SLC35F3: variants seen among roughly 807,000 people sequenced by gnomAD.
SLC35F3 encodes solute carrier family 35 member F3.
SLC35F3 carries 25 observed loss-of-function variants against 49.9 expected under a neutral mutation model. That is an observed-to-expected ratio of 0.50 (90% confidence interval 0.37 to 0.70). SLC35F3 has a LOEUF of 0.70. Ranked by LOEUF, SLC35F3 falls within the 30% of genes least tolerant of loss-of-function variation. The probability of loss-of-function intolerance (pLI) is 0.00; values close to 1 mark genes in which losing one functional copy is unlikely to be tolerated. For synonymous variants in SLC35F3, 275 were observed against 265.4 expected (o/e 1.04, Z -0.35); for missense variants, 525 against 639.8 (o/e 0.82, Z 1.94).
chr1:234,214,241 T>C lies in SLC35F3; in HGVS notation c.284-17176T>C. 4.1e-6 allele frequency: 5 copies of C among 1,234,274 alleles called. No individual in the cohort carries two copies. Among genetic ancestry groups the C allele is most frequent in the Non-Finnish European group, 5.1e-6 (5 of 989,242 alleles). 76.5% of individuals were successfully genotyped at this position (1,234,274 alleles called of 1,614,324 possible). A position where few individuals can be genotyped will look rare whatever the true frequency, so the allele number is the denominator to read the frequency against. Reference sequence around the variant, plus strand: ...GTTGGAGTTTGCAGCAACCTCCAAGTAGGAGGCTGTGCGCGCGTGTGTGTG... The same window carrying C: ...GTTGGAGTTTGCAGCAACCTCCAAGCAGGAGGCTGTGCGCGCGTGTGTGTG... On this transcript the variant is annotated intron_variant, in intron 2 of 7. Coordinates refer to ENST00000366618, the MANE Select transcript of SLC35F3 (RefSeq NM_173508.4). The surrounding 1 kb of genome is among the most constrained non-coding windows in gnomAD (Gnocchi z 8.0).
At position 233,960,597 on chromosome 1, in the gene SLC35F3, G is replaced by T. The variant is rs144048942; in HGVS notation, c.283+54839G>T. Among the ~76,000 whole-genome samples the T allele has an allele frequency of 2.6e-4, 39 of 152,260 alleles. No individual in the cohort carries two copies. In the East Asian group the frequency reaches 7.1e-3, roughly 28 times the overall value. On this transcript the variant is annotated intron_variant, in intron 2 of 7. Coordinates refer to ENST00000366618, the MANE Select transcript of SLC35F3 (RefSeq NM_173508.4). ...CCATCCCAGCCCATGCAGCTGTTGAGTAATGCTAGTTATTAGCATAACTTT... is the reference window on the plus strand; with the variant it reads ...CCATCCCAGCCCATGCAGCTGTTGATTAATGCTAGTTATTAGCATAACTTT...
intron 2 of SLC35F3, among the ~76,000 whole-genome samples, chr1:234,200,770 G>T (rs1468797693): frequency 1.3e-5 from 2 of 152,184 alleles, no homozygotes; most frequent in African/African-American, 4.8e-5. Context: ...CTGAAATGCA[G>T]GCAGGTCCCA....
At chr1:234,291,228 T>C (rs1242448680) in intron 3 of SLC35F3, among the ~76,000 whole-genome samples, 1 of 152,184 alleles carries the variant, frequency 6.6e-6, no homozygotes, top group Non-Finnish European at 1.5e-5. Context: ...GCTAGAGCAG[T>C]GCTTATCAAT....
chr1:234,296,474 T>C (rs2102988260), intron 3 of SLC35F3, among the ~76,000 whole-genome samples: 1 of 152,316 alleles, frequency 6.6e-6, no homozygotes, highest in East Asian at 1.9e-4. Context: ...TGGAAGGAAA[T>C]GTGCAGAGGT....
chr1:234,257,553 G>A (rs1667839546), intron 3 of SLC35F3, among the ~76,000 whole-genome samples: 1 of 152,236 alleles, frequency 6.6e-6, no homozygotes, highest in South Asian at 2.1e-4. Flanking sequence ...ATAGATGCCA[G>A]TGTTGAAAAG....
At chr1:234,246,252 C>G (rs140113099) in intron 3 of SLC35F3, among the ~76,000 whole-genome samples, 253 of 152,268 alleles carry the variant, frequency 1.7e-3, no homozygotes, top group Non-Finnish European at 2.6e-3. Flanking sequence ...CAGCAGTTCA[C>G]TTTCTCTAAC....
intron 2 of SLC35F3, among the ~76,000 whole-genome samples, chr1:234,111,069 G>A (rs1327561043): frequency 6.6e-6 from 1 of 152,054 alleles, no homozygotes; most frequent in Non-Finnish European, 1.5e-5. Flanking sequence ...AAACAGAAAA[G>A]TTTAAGATGA....
At chr1:234,083,649 A>G (rs900837043) in intron 2 of SLC35F3, among the ~76,000 whole-genome samples, 4 of 152,168 alleles carry the variant, frequency 2.6e-5, no homozygotes, top group African/African-American at 9.7e-5. Flanking sequence ...GAAAGGCTGG[A>G]TAAGCATTGG....
chr1:233,921,149 C>T (rs980443640), intron 2 of SLC35F3, among the ~76,000 whole-genome samples: 3 of 152,294 alleles, frequency 2.0e-5, no homozygotes, highest in African/African-American at 7.2e-5. Context: ...ACTCCCTTAA[C>T]CAAAGTACAC....
intron 2 of SLC35F3, among the ~76,000 whole-genome samples, chr1:233,954,297 C>T (rs1006540601): frequency 6.6e-6 from 1 of 152,176 alleles, no homozygotes; most frequent in Admixed American, 6.5e-5. Flanking sequence ...TGAGCCACTG[C>T]TCCCGGCCTA....
intron 2 of SLC35F3, among the ~76,000 whole-genome samples, chr1:233,990,930 G>A (rs4364941): frequency 0.28 from 42,159 of 152,050 alleles, 6,091 homozygotes; most frequent in East Asian, 0.49. Context: ...TGATGGTGAT[G>A]CAGCCTGCAA....
chr1:233,947,597 T>C (rs994137436), intron 2 of SLC35F3, among the ~76,000 whole-genome samples: 3 of 151,724 alleles, frequency 2.0e-5, no homozygotes, highest in African/African-American at 7.3e-5. Context: ...ACCACAAGGC[T>C]AGATAATTAG....
chr1:234,129,516 A>C (rs929297286), intron 2 of SLC35F3, among the ~76,000 whole-genome samples: 1 of 152,198 alleles, frequency 6.6e-6, no homozygotes, highest in East Asian at 1.9e-4. Context: ...TCACTTCCCC[A>C]ACATTGATCC....
At chr1:233,961,348 AACT>A (rs1662797446) in intron 2 of SLC35F3, among the ~76,000 whole-genome samples, 2 of 151,854 alleles carry the variant, frequency 1.3e-5, no homozygotes, top group African/African-American at 4.8e-5. Flanking sequence ...CCCCACCCAG[AACT>A]ACTGAGAAGA....
chr1:234,291,563 A>G (rs1363824824), intron 3 of SLC35F3, among the ~76,000 whole-genome samples: 2 of 152,140 alleles, frequency 1.3e-5, no homozygotes, highest in African/African-American at 4.8e-5. Flanking sequence ...CAGTCTCCCA[A>G]GTGGCTGAAA....
chr1:234,117,239 C>G (rs943450697), intron 2 of SLC35F3, among the ~76,000 whole-genome samples: 3 of 152,156 alleles, frequency 2.0e-5, no homozygotes, highest in East Asian at 1.9e-4. Context: ...GTGCTATATT[C>G]AGATGTTGAC....
chr1:233,960,847 T>A (rs1038794504), intron 2 of SLC35F3, among the ~76,000 whole-genome samples: 2 of 151,802 alleles, frequency 1.3e-5, no homozygotes, highest in African/African-American at 4.8e-5. Flanking sequence ...CTTGCATAAC[T>A]CATTTTCTCC....
At chr1:234,049,161 G>C (rs894910314) in intron 2 of SLC35F3, among the ~76,000 whole-genome samples, 5 of 152,206 alleles carry the variant, frequency 3.3e-5, no homozygotes, top group African/African-American at 1.2e-4. Context: ...TTTTGCATTT[G>C]AGAAGGACAT....
At chr1:234,237,724 T>A (rs1018551545) in intron 3 of SLC35F3, among the ~76,000 whole-genome samples, 1 of 152,224 alleles carries the variant, frequency 6.6e-6, no homozygotes, top group Non-Finnish European at 1.5e-5. Context: ...ACAAAATCTT[T>A]CCAGCACCTT....
Sources: gnomAD v4.1 joint callset for allele counts (sites outside exome capture counted in the v4.1 genomes callset) on GRCh38, gnomAD v4.1.1 for gene constraint, Gnocchi (gnomAD v3.1) non-coding constraint, MANE v1.5 for transcripts, NCBI Gene and HGNC (gene_info 2026-07-23, HGNC 2026-07-21) for gene names.